The following TOR1AIP2 variants were observed in gnomAD, a reference collection of about 807,000 sequenced individuals.
TOR1AIP2 encodes torsin 1A interacting protein 2, also known as torsin-1A-interacting protein 2.
TOR1AIP2 carries 20 observed loss-of-function variants against 32.6 expected under a neutral mutation model. The observed-to-expected ratio is 0.61, with a 90% CI of 0.43 to 0.89. The LOEUF is 0.89. TOR1AIP2 is among the 40% of genes least tolerant of loss of function. TOR1AIP2 has a pLI of 0.00. For synonymous variants in TOR1AIP2, 214 were observed against 210.8 expected (o/e 1.02, Z -0.13); for missense variants, 456 against 553.8 (o/e 0.82, Z 1.77).
At chr1:179,871,190 A>G (rs74456015) in intron 2 of TOR1AIP2, among the ~76,000 whole-genome samples, 3,933 of 152,288 alleles carry the variant, frequency 0.026, 73 homozygotes, top group Non-Finnish European at 0.038. Context: ...GTATTTTCAA[A>G]CCTCCTTCAC....
chr1:179,846,762 G>T lies in TOR1AIP2; in HGVS notation c.722C>A (p.Ser241Tyr). ...ATTTTTGGGCACTTGCTGGGCTGGA[G>T]AGGAATAGTAGCTATTCACAGAACT... ...VASSVNSYYS[S>Y]PAQQVPKNPA... Residue 241 changes from serine (S) to tyrosine (Y), a missense_variant, in exon 7 of 7, where the codon TCT becomes TAT. Ser to Tyr is a moderately radical substitution (Grantham distance 144, BLOSUM62 -2). Coordinates refer to ENST00000609928, the MANE Select transcript of TOR1AIP2 (RefSeq NM_001199260.2). The T allele has an allele frequency of 6.2e-7, 1 of 1,613,764 alleles. No homozygotes were observed. Among genetic ancestry groups the T allele is most frequent in the Non-Finnish European group, 8.5e-7 (1 of 1,180,026 alleles).
In TOR1AIP2 at chr1:179,851,229, C is replaced by G; in HGVS notation, c.169G>C (p.Glu57Gln). Reference protein sequence around the residue: ...CGLSKDHQEVETEGPESADTG... With the variant: ...CGLSKDHQEVQTEGPESADTG... ...TCTGCACTTTCTGGACCTTCTGTCT[C>G]TACCTCTTGGTGGTCTTTGCTAAGA... Residue 57 changes from glutamate (E) to glutamine (Q), a missense_variant, in exon 5 of 7, where the codon GAG (glutamate) becomes CAG (glutamine). Physicochemically the swap from Glu to Gln is conservative, Grantham distance 29 (BLOSUM62 2). Transcript: ENST00000609928. 6.2e-7 allele frequency: 1 copy of G among 1,613,552 alleles called. No individual in the cohort carries two copies. The highest frequency in any genetic ancestry group is 8.5e-7 in the Non-Finnish European group (1 of 1,180,040).
In TOR1AIP2 at chr1:179,845,375, T is replaced by C. The variant is rs1377898710; in HGVS notation, c.*696A>G. The C allele has an allele frequency of 6.6e-6, 1 of 152,214 alleles. No individual in the cohort carries two copies. Among genetic ancestry groups the C allele is most frequent in the African/African-American group, 2.4e-5 (1 of 41,452 alleles). 9.4% of individuals were successfully genotyped at this position (152,214 alleles called of 1,614,324 possible). A position where few individuals can be genotyped will look rare whatever the true frequency, so the allele number is the denominator to read the frequency against. On this transcript the variant is annotated 3_prime_UTR_variant, in exon 7 of 7. Coordinates refer to ENST00000609928, the MANE Select transcript of TOR1AIP2 (RefSeq NM_001199260.2). ...AGTAAAGATATAGCCAATTGGAATT[T>C]CTTCATTTCCAATGATTATAAACAA...
rs1225108760 is a variant in TOR1AIP2, at chr1:179,845,684, C to CA, written c.*386dup. Reference sequence around the variant, plus strand: ...AATTCTAATTGCTTTAGTCCAAGTCCAAACATTATCGAAAAGGTTCTTCAG... The same window carrying CA: ...AATTCTAATTGCTTTAGTCCAAGTCCAAAACATTATCGAAAAGGTTCTTCAG... On this transcript the variant is annotated 3_prime_UTR_variant, in exon 7 of 7. Transcript: ENST00000609928. 1 of 160,564 alleles carries CA rather than the reference C, an allele frequency of 6.2e-6. No homozygotes were observed. The highest frequency in any genetic ancestry group is 1.3e-5 in the Non-Finnish European group (1 of 74,698). 9.9% of individuals were successfully genotyped at this position (160,564 alleles called of 1,614,324 possible). A position where few individuals can be genotyped will look rare whatever the true frequency, so the allele number is the denominator to read the frequency against.
chr1:179,874,345 T>C (rs1697115013), intron 2 of TOR1AIP2: 1 of 152,068 alleles, frequency 6.6e-6, no homozygotes, highest in Admixed American at 6.6e-5. Context: ...GCTCAGGAGT[T>C]CAAGTTTGCA....
intron 2 of TOR1AIP2, among the ~76,000 whole-genome samples, chr1:179,872,185 T>C (rs1429180421): frequency 6.6e-6 from 1 of 152,208 alleles, no homozygotes; most frequent in Non-Finnish European, 1.5e-5. Flanking sequence ...CCATACTTTT[T>C]GAGGGGCATG....
In TOR1AIP2 at chr1:179,845,443, T is replaced by G. The variant is rs1224421647; in HGVS notation, c.*628A>C. On this transcript the variant is annotated 3_prime_UTR_variant, in exon 7 of 7. Coordinates refer to ENST00000609928, the MANE Select transcript of TOR1AIP2 (RefSeq NM_001199260.2). ...ATTTTTAAGAACATTTGAGTACAGCTGCTTATACCTCAGCTGAATGAAATA... is the reference window on the plus strand; with the variant it reads ...ATTTTTAAGAACATTTGAGTACAGCGGCTTATACCTCAGCTGAATGAAATA... 1 of 152,238 alleles carries G rather than the reference T, an allele frequency of 6.6e-6. No individual in the cohort carries two copies. Among genetic ancestry groups the G allele is most frequent in the Non-Finnish European group, 1.5e-5 (1 of 68,030 alleles). 9.4% of individuals were successfully genotyped at this position (152,238 alleles called of 1,614,324 possible).
chr1:179,864,677 G>T, intron 3 of TOR1AIP2: 2 of 1,494,070 alleles, frequency 1.3e-6, no homozygotes, highest in Non-Finnish European at 1.8e-6. Context: ...AGTTCCCAAA[G>T]TAGTGACAAT....
intron 3 of TOR1AIP2, chr1:179,865,104 A>T: frequency 6.2e-7 from 1 of 1,614,036 alleles, no homozygotes; most frequent in Non-Finnish European, 8.5e-7. Context: ...GTTTGGTACA[A>T]CCAGTGGCCT....
intron 4 of TOR1AIP2, 109 bp from the exon 5 acceptor site, chr1:179,851,472 C>G: frequency 1.2e-6 from 1 of 847,224 alleles, no homozygotes; most frequent in Non-Finnish European, 1.7e-6. Context: ...TCATGGTTTA[C>G]AAGACACTTC....
intron 3 of TOR1AIP2, chr1:179,860,048 A>T: frequency 1.2e-6 from 1 of 803,120 alleles, no homozygotes. Flanking sequence ...GGGTCTCACT[A>T]TGTTGCTCAG....
At chr1:179,863,751 T>A (rs371710531) in intron 3 of TOR1AIP2, 16 of 982,994 alleles carry the variant, frequency 1.6e-5, no homozygotes, top group East Asian at 2.3e-4. Flanking sequence ...ATAATATTGA[T>A]AATATTGCTA....
chr1:179,854,727 C>T (rs1362078069), intron 3 of TOR1AIP2, among the ~76,000 whole-genome samples: 8 of 151,892 alleles, frequency 5.3e-5, no homozygotes, highest in East Asian at 1.9e-4. Context: ...AAAAATTAGC[C>T]GGGCATGGTG....
At chr1:179,848,997 A>G (rs1281412) in intron 5 of TOR1AIP2, among the ~76,000 whole-genome samples, 65,657 of 151,632 alleles carry the variant, frequency 0.43, 15,523 homozygotes, top group African/African-American at 0.63. Flanking sequence ...TTAGTTGGGC[A>G]CGGTGGCGGG....
In TOR1AIP2 at chr1:179,851,326, A is replaced by G. The variant is rs1371094307; in HGVS notation, c.72T>C (p.Asn24=). 1 of 1,582,496 alleles carries G rather than the reference A, an allele frequency of 6.3e-7. No individual in the cohort carries two copies. Among genetic ancestry groups the G allele is most frequent in the African/African-American group, 1.4e-5 (1 of 73,342 alleles). Residue 24 remains asparagine, a synonymous_variant, in exon 5 of 7, where the codon AAT becomes AAC. Coordinates refer to ENST00000609928, the MANE Select transcript of TOR1AIP2 (RefSeq NM_001199260.2). The stretch of plus-strand genomic sequence containing the variant: ...TGATTGTGGTCTCCTGCGCCTGAGA[A>G]TTTACTGATGGATCATTTTCCAAAT... ...QKDLENDPSV[N]SQAQETTIIA...
At chr1:179,864,382 C>G in intron 3 of TOR1AIP2, 9 of 991,308 alleles carry the variant, frequency 9.1e-6, no homozygotes, top group Non-Finnish European at 9.6e-6. Context: ...CCAGCTATAA[C>G]GAGGCTGCTT....
chr1:179,866,414 GT>G (rs112251036), intron 2 of TOR1AIP2, among the ~76,000 whole-genome samples: 2 of 150,776 alleles, frequency 1.3e-5, no homozygotes, highest in African/African-American at 4.9e-5. Flanking sequence ...ATTCTTGTTT[GT>G]TTTTTTTTCT....
chr1:179,852,279 G>A (rs1028149397), intron 4 of TOR1AIP2, among the ~76,000 whole-genome samples: 1 of 148,456 alleles, frequency 6.7e-6, no homozygotes, highest in Non-Finnish European at 1.5e-5. Flanking sequence ...AAAAAAAAAG[G>A]AGAAGAAGAG....
chr1:179,854,936 A>C (rs1696242070), intron 3 of TOR1AIP2, among the ~76,000 whole-genome samples: 1 of 152,162 alleles, frequency 6.6e-6, no homozygotes, highest in African/African-American at 2.4e-5. Context: ...ACGAATAGAC[A>C]AACAGTATAC....
Sources: gnomAD v4.1 joint callset for allele counts (sites outside exome capture counted in the v4.1 genomes callset) on GRCh38, gnomAD v4.1.1 for gene constraint, MANE v1.5 for transcripts, NCBI Gene and HGNC (gene_info 2026-07-23, HGNC 2026-07-21) for gene names.